PKNOX2: variants seen among roughly 807,000 people sequenced by gnomAD.
The protein encoded by PKNOX2 is homeobox protein PKNOX2.
PKNOX2 carries 14 observed loss-of-function variants against 53.1 expected under a neutral mutation model. The observed-to-expected ratio is 0.26, with a 90% CI of 0.17 to 0.41. The LOEUF (loss-of-function observed/expected upper bound fraction) is 0.41, where lower values mean the gene tolerates loss of function less well. PKNOX2 is among the 10% of genes least tolerant of loss of function. PKNOX2 has a pLI of 1.00. For synonymous variants in PKNOX2, 257 were observed against 242.8 expected, an observed-to-expected ratio of 1.06 and a Z score of -0.54; for missense variants, 496 against 602.8, an observed-to-expected ratio of 0.82 and a Z score of 1.85.
intron 2 of PKNOX2, among the ~76,000 whole-genome samples, chr11:125,316,435 T>A (rs768477175): frequency 1.4e-4 from 22 of 152,268 alleles, no homozygotes; most frequent in Non-Finnish European, 2.8e-4. Flanking sequence ...CATCGAGAAA[T>A]GATCAGAGGT....
chr11:125,212,913 C>A (rs1940039386), intron 1 of PKNOX2, among the ~76,000 whole-genome samples: 1 of 152,042 alleles, frequency 6.6e-6, no homozygotes, highest in African/African-American at 2.4e-5. Context: ...AGTAAGACTT[C>A]AACGGGTTCC....
intron 1 of PKNOX2, among the ~76,000 whole-genome samples, chr11:125,206,193 G>A (rs190727507): frequency 1.4e-4 from 21 of 152,108 alleles, no homozygotes; most frequent in African/African-American, 3.4e-4. Flanking sequence ...TGGGCGGTGG[G>A]GGGGAGAACC....
intron 9 of PKNOX2, 76 bp from the exon 10 acceptor site, chr11:125,411,670 G>T (rs529251526): frequency 1.2e-6 from 2 of 1,609,636 alleles, no homozygotes; most frequent in South Asian, 1.1e-5. Context: ...CAAGCCTGCC[G>T]TCGCTATGGC....
At chr11:125,373,281 G>A (rs1952650348) in intron 5 of PKNOX2, among the ~76,000 whole-genome samples, 1 of 152,204 alleles carries the variant, frequency 6.6e-6, no homozygotes, top group Non-Finnish European at 1.5e-5. Context: ...ACAGATCAGT[G>A]TTCAGTAGAC....
intron 1 of PKNOX2, among the ~76,000 whole-genome samples, chr11:125,194,107 CTAGATGCCT>C (rs1957037546): frequency 6.6e-6 from 1 of 152,204 alleles, no homozygotes; most frequent in Admixed American, 6.5e-5. Flanking sequence ...AAAGTCAAAC[CTAGATGCCT>C]TTGTGCGAGC....
At chr11:125,186,001 C>T (rs761589878) in intron 1 of PKNOX2, among the ~76,000 whole-genome samples, 30 of 151,986 alleles carry the variant, frequency 2.0e-4, no homozygotes, top group Non-Finnish European at 2.9e-4. Context: ...CAGCAATGCA[C>T]AAGAATCTCA....
At chr11:125,324,952 G>T (rs1469196530) in intron 2 of PKNOX2, among the ~76,000 whole-genome samples, 5 of 152,138 alleles carry the variant, frequency 3.3e-5, no homozygotes, top group Admixed American at 3.3e-4. Flanking sequence ...GCTGAGTTTT[G>T]TAAGGAAAGT....
chr11:125,340,165 C>T (rs560696241), intron 3 of PKNOX2, among the ~76,000 whole-genome samples: 4 of 152,294 alleles, frequency 2.6e-5, no homozygotes, highest in African/African-American at 4.8e-5. Flanking sequence ...ACTTCCCTAC[C>T]GTGGGAAGGC....
chr11:125,196,661 G>A (rs747606959), intron 1 of PKNOX2, among the ~76,000 whole-genome samples: 12 of 152,174 alleles, frequency 7.9e-5, no homozygotes, highest in Non-Finnish European at 1.6e-4. Flanking sequence ...CTGTGGCCTT[G>A]GGCAAGCTGC....
chr11:125,236,441 TCTC>T (rs200374082), intron 2 of PKNOX2, among the ~76,000 whole-genome samples: 1,619 of 152,028 alleles, frequency 0.011, 39 homozygotes, highest in African/African-American at 0.036. Flanking sequence ...AGAATCGATG[TCTC>T]CTCCTCGCAT....
intron 2 of PKNOX2, among the ~76,000 whole-genome samples, chr11:125,270,562 G>T (rs948227207): frequency 6.6e-5 from 10 of 152,180 alleles, no homozygotes; most frequent in African/African-American, 2.2e-4. Context: ...TTCACTTGTG[G>T]CTCAGGCTCT....
chr11:125,375,632 A>G (rs978845117), intron 5 of PKNOX2, among the ~76,000 whole-genome samples: 1 of 152,350 alleles, frequency 6.6e-6, no homozygotes, highest in South Asian at 2.1e-4. Context: ...ATATAAGAGC[A>G]CTTTACAAAG....
chr11:125,176,382 A>T (rs1230935427), intron 1 of PKNOX2, among the ~76,000 whole-genome samples: 2 of 152,206 alleles, frequency 1.3e-5, no homozygotes, highest in Non-Finnish European at 2.9e-5. Flanking sequence ...TATGACCGTG[A>T]ACTAGACAGA....
intron 2 of PKNOX2, among the ~76,000 whole-genome samples, chr11:125,264,481 A>C (rs1170735202): frequency 6.6e-6 from 1 of 151,940 alleles, no homozygotes; most frequent in Non-Finnish European, 1.5e-5. Flanking sequence ...AGGCCTAATA[A>C]CTGCAGGACT....
At chr11:125,254,044 C>T (rs570736660) in intron 2 of PKNOX2, among the ~76,000 whole-genome samples, 2 of 152,254 alleles carry the variant, frequency 1.3e-5, no homozygotes, top group South Asian at 4.1e-4. Flanking sequence ...CAGGCTTCCT[C>T]CAGCTCCTAG....
chr11:125,318,086 C>G (rs984048341), intron 2 of PKNOX2, among the ~76,000 whole-genome samples: 1 of 152,026 alleles, frequency 6.6e-6, no homozygotes, highest in Non-Finnish European at 1.5e-5. Flanking sequence ...CATAAACCAA[C>G]CTCTGCTATC....
chr11:125,232,360 G>C (rs1368730832), intron 1 of PKNOX2, among the ~76,000 whole-genome samples: 1 of 152,222 alleles, frequency 6.6e-6, no homozygotes, highest in African/African-American at 2.4e-5. Flanking sequence ...TTCAGCGAGT[G>C]CTTATTTTGT....
intron 2 of PKNOX2, among the ~76,000 whole-genome samples, chr11:125,305,934 A>G (rs186273433): frequency 6.6e-6 from 1 of 152,192 alleles, no homozygotes. Flanking sequence ...AATGCTAAAC[A>G]CTGCCTTTAT....
intron 1 of PKNOX2, among the ~76,000 whole-genome samples, chr11:125,219,556 C>T (rs980417242): frequency 1.8e-4 from 27 of 151,730 alleles, no homozygotes; most frequent in South Asian, 4.2e-4. Flanking sequence ...TAAAAATTAA[C>T]AACAACAAAA....
Sources: allele counts gnomAD v4.1 joint callset (sites outside exome capture counted in the v4.1 genomes callset), GRCh38; gene constraint gnomAD v4.1.1; transcripts MANE v1.5; gene names NCBI Gene and HGNC (gene_info 2026-07-23, HGNC 2026-07-21).